CYBRD1: variants seen among roughly 807,000 people sequenced by gnomAD.
The protein encoded by CYBRD1 is plasma membrane ascorbate-dependent reductase CYBRD1.
CYBRD1 carries 14 observed loss-of-function variants against 21.9 expected under a neutral mutation model. The observed-to-expected ratio is 0.64, with a 90% CI of 0.42 to 1.00. CYBRD1 has a LOEUF of 1.00. Among genes scored for constraint, CYBRD1 ranks in the 50% least tolerant of loss-of-function variants. CYBRD1 has a pLI of 0.00. For missense variants in CYBRD1, 328 were observed against 352.5 expected, an observed-to-expected ratio of 0.93 and a Z score of 0.56; for synonymous variants, 146 against 136.5, an observed-to-expected ratio of 1.07 and a Z score of -0.48.
In CYBRD1 at chr2:171,538,250, A is replaced by G. The variant is rs117458872; in HGVS notation, c.194-3335A>G. On this transcript the variant is annotated intron_variant, in intron 1 of 3. Coordinates refer to ENST00000321348, the MANE Select transcript of CYBRD1 (RefSeq NM_024843.4). ...TGCACTCCATCCTGGGCAACCAAGA[A>G]TGAAACTCCATCTCAAAAAGAAAAA... Among the ~76,000 whole-genome samples, 1,364 of 152,292 alleles carry G rather than the reference A, an allele frequency of 9.0e-3. 20 individuals carry two copies. Among genetic ancestry groups the G allele is most frequent in the African/African-American group, 0.028 (1,145 of 41,566 alleles).
intron 2 of CYBRD1, among the ~76,000 whole-genome samples, chr2:171,547,460 C>G (rs1191866168): frequency 2.1e-5 from 3 of 139,792 alleles, no homozygotes; most frequent in Admixed American, 1.5e-4. Flanking sequence ...TTGTCTACTT[C>G]TGCTTTTTAT....
At position 171,541,451 on chromosome 2, in the gene CYBRD1, T is replaced by G. The variant is rs894950875; in HGVS notation, c.194-134T>G. On this transcript the variant is annotated intron_variant, in intron 1 of 3. Transcript: ENST00000321348. ...GAGCCACTGAGAGGCAGGGGTAACA[T>G]GGGGAAGAGGGGAGAAGCAAAAGCC... The G allele has an allele frequency of 6.2e-6, 5 of 804,980 alleles. No individual in the cohort carries two copies. In the East Asian group the frequency reaches 1.1e-4, roughly 17 times the overall value. 49.9% of individuals were successfully genotyped at this position (804,980 alleles called of 1,614,324 possible).
chr2:171,554,643 G>A lies in CYBRD1; in HGVS notation c.677G>A (p.Arg226His), dbSNP rs62181680. 10,029 of 1,613,982 alleles carry A rather than the reference G, an allele frequency of 6.2e-3. 45 individuals are homozygous for A. The highest frequency in any genetic ancestry group is 7.8e-3 in the Non-Finnish European group (9,231 of 1,179,958). The part of the protein sequence containing the change: ...FWIVTRPQWK[R>H]PKEPNSTILH... ...ATAGTCACCAGACCGCAATGGAAAC[G>A]TCCTAAGGAGCCAAATTCTACCATT... The change falls in exon 4 of 4, where the codon CGT becomes CAT. Residue 226 changes from arginine to histidine, a missense_variant. Arg to His is a conservative substitution (Grantham distance 29). Coordinates refer to ENST00000321348, the MANE Select transcript of CYBRD1 (RefSeq NM_024843.4).
chr2:171,522,598 T>C lies in CYBRD1; in HGVS notation c.53T>C (p.Leu18Pro), dbSNP rs564331627. 1 of 1,611,842 alleles carries C rather than the reference T, an allele frequency of 6.2e-7. No individual in the cohort carries two copies. The highest frequency in any genetic ancestry group is 8.5e-7 in the Non-Finnish European group (1 of 1,179,394). The change falls in exon 1 of 4, where the codon CTC becomes CCC. Residue 18 changes from leucine (L) to proline (P), a missense_variant. By Grantham distance (98) the Leu-to-Pro change is moderately conservative (BLOSUM62 -3). Transcript: ENST00000321348. This position sits in a 1 kb window ranked among gnomAD's most constrained non-coding sequence, Gnocchi z 4.3. ...RFLALLGSAL[L>P]VGFLSVIFAL... ...CTGGCGCTGCTGGGGTCGGCACTGC[T>C]CGTCGGCTTCCTGTCGGTGATCTTC...
chr2:171,526,675 G>A (rs534283520), intron 1 of CYBRD1, among the ~76,000 whole-genome samples: 5 of 152,268 alleles, frequency 3.3e-5, no homozygotes, highest in South Asian at 2.1e-4. Flanking sequence ...TCAGAGAAAC[G>A]AACCTTGAAA....
chr2:171,522,761 T>C lies in CYBRD1; in HGVS notation c.193+23T>C, dbSNP rs1204431688. On this transcript the variant is annotated intron_variant, in intron 1 of 3. Transcript: ENST00000321348. The surrounding 1 kb of genome is among the most constrained non-coding windows in gnomAD (Gnocchi z 4.3). ...TCGGTACTGGCACCTCCTGGGGGGGTGCGGGGAGGAAAGCGGGGAGAACGG... is the reference window on the plus strand; with the variant it reads ...TCGGTACTGGCACCTCCTGGGGGGGCGCGGGGAGGAAAGCGGGGAGAACGG... 9.3e-6 allele frequency: 15 copies of C among 1,610,024 alleles called. No homozygotes were observed. The highest frequency in any genetic ancestry group is 1.4e-5 in the African/African-American group (1 of 73,840).
At chr2:171,532,453 C>T (rs1175175711) in intron 1 of CYBRD1, among the ~76,000 whole-genome samples, 1 of 152,178 alleles carries the variant, frequency 6.6e-6, no homozygotes, top group Non-Finnish European at 1.5e-5. Context: ...ATTTGGTCTT[C>T]TATTAGCTAA....
chr2:171,536,255 C>T (rs767179165), intron 1 of CYBRD1, among the ~76,000 whole-genome samples: 21 of 151,638 alleles, frequency 1.4e-4, no homozygotes, highest in Non-Finnish European at 2.4e-4. Context: ...TCTCTTGCCT[C>T]GGTCTCCCCA....
intron 1 of CYBRD1, among the ~76,000 whole-genome samples, chr2:171,527,028 C>T (rs1164754001): frequency 6.6e-6 from 1 of 152,032 alleles, no homozygotes; most frequent in Non-Finnish European, 1.5e-5. Context: ...CTAAAAGTGA[C>T]CAAATTCCAA....
chr2:171,522,298 C>T (rs552554681), upstream of CYBRD1: 38 of 1,543,378 alleles, frequency 2.5e-5, no homozygotes, highest in South Asian at 4.2e-4. The surrounding 1 kb of genome is among the most constrained non-coding windows in gnomAD (Gnocchi z 4.3). Flanking sequence ...GAGGGTGAGG[C>T]CACCAGGCAA....
intron 1 of CYBRD1, among the ~76,000 whole-genome samples, chr2:171,524,800 G>A (rs1428813390): frequency 6.6e-6 from 1 of 152,198 alleles, no homozygotes; most frequent in Admixed American, 6.5e-5. Context: ...TCATGTTAGA[G>A]TCCAATATAC....
At chr2:171,524,646 T>C (rs1308242103) in intron 1 of CYBRD1, among the ~76,000 whole-genome samples, 1 of 152,220 alleles carries the variant, frequency 6.6e-6, no homozygotes, top group African/African-American at 2.4e-5. Flanking sequence ...TTATGTAACT[T>C]ACCCATGAAA....
At chr2:171,545,173 T>C (rs1200826514) in intron 2 of CYBRD1, among the ~76,000 whole-genome samples, 2 of 151,878 alleles carry the variant, frequency 1.3e-5, no homozygotes, top group Non-Finnish European at 2.9e-5. Context: ...TTTGACTATT[T>C]TTTATTTTAA....
intron 2 of CYBRD1, among the ~76,000 whole-genome samples, chr2:171,552,403 G>T (rs543156763): frequency 3.9e-5 from 6 of 152,088 alleles, no homozygotes; most frequent in Non-Finnish European, 5.9e-5. Context: ...GAATTAGGGC[G>T]TTGGACCCCT....
intron 2 of CYBRD1, among the ~76,000 whole-genome samples, chr2:171,544,661 T>C (rs1385492750): frequency 6.6e-6 from 1 of 152,208 alleles, no homozygotes; most frequent in East Asian, 1.9e-4. Flanking sequence ...TAAACTATCT[T>C]CCCATCACCA....
intron 2 of CYBRD1, among the ~76,000 whole-genome samples, chr2:171,549,182 C>T (rs1247117018): frequency 6.6e-6 from 1 of 152,170 alleles, no homozygotes; most frequent in African/African-American, 2.4e-5. Context: ...CTCCTGGGTT[C>T]AAGTGACTTT....
At chr2:171,534,669 C>T (rs144111103) in intron 1 of CYBRD1, among the ~76,000 whole-genome samples, 4 of 152,312 alleles carry the variant, frequency 2.6e-5, no homozygotes, top group Admixed American at 1.3e-4. Flanking sequence ...TAGAGGTCAC[C>T]TGCCTCACTT....
intron 1 of CYBRD1, among the ~76,000 whole-genome samples, chr2:171,526,922 C>T (rs189975877): frequency 2.2e-4 from 34 of 152,214 alleles, no homozygotes; most frequent in Admixed American, 7.9e-4. Flanking sequence ...AAGTTGATTT[C>T]GTGAGATAAT....
chr2:171,522,809 A>G lies in CYBRD1; in HGVS notation c.193+71A>G. On this transcript the variant is annotated intron_variant, in intron 1 of 3. Transcript: ENST00000321348. The surrounding 1 kb of genome is among the most constrained non-coding windows in gnomAD (Gnocchi z 4.3). Reference sequence around the variant, plus strand: ...CGGCGGGGGCAGAGGGTCCTCCGTGAAGCCCCTTCCAGCTGAGGAAGTGCT... The same window carrying G: ...CGGCGGGGGCAGAGGGTCCTCCGTGGAGCCCCTTCCAGCTGAGGAAGTGCT... The G allele has an allele frequency of 1.3e-6, 2 of 1,599,112 alleles. No individual in the cohort carries two copies. The highest frequency in any genetic ancestry group is 4.5e-5 in the East Asian group (2 of 44,526).
Sources: allele counts gnomAD v4.1 joint callset (sites outside exome capture counted in the v4.1 genomes callset), GRCh38; gene constraint gnomAD v4.1.1; non-coding constraint Gnocchi (gnomAD v3.1); transcripts MANE v1.5; gene names NCBI Gene and HGNC (gene_info 2026-07-23, HGNC 2026-07-21).